The following GCNT2 variants were observed in gnomAD, a reference collection of about 807,000 sequenced individuals.
GCNT2 encodes the protein glucosaminyl (N-acetyl) transferase 2 (I blood group).
In GCNT2, 34 loss-of-function variants were observed where a neutral mutation model predicts 34.2. The observed-to-expected ratio is 1.00, with a 90% CI of 0.76 to 1.32. The LOEUF (loss-of-function observed/expected upper bound fraction) is 1.32, where lower values mean the gene tolerates loss of function less well. GCNT2 is among the 40% of genes most tolerant of loss of function. GCNT2 has a pLI of 0.00. For synonymous variants in GCNT2, 212 were observed against 188.0 expected (o/e 1.13, Z -1.04); for missense variants, 584 against 489.4 (o/e 1.19, Z -1.82).
At chr6:10,576,920 C>A (rs1180425754) in intron 3 of GCNT2, among the ~76,000 whole-genome samples, 2 of 151,304 alleles carry the variant, frequency 1.3e-5, no homozygotes, top group Non-Finnish European at 2.9e-5. Context: ...AAAATAATAA[C>A]AATAATAATA....
At chr6:10,606,397 C>T (rs932979700) in intron 3 of GCNT2, among the ~76,000 whole-genome samples, 8 of 152,126 alleles carry the variant, frequency 5.3e-5, no homozygotes, top group South Asian at 4.1e-4. Flanking sequence ...CATTTTCCCC[C>T]TCTTAATGGA....
At chr6:10,545,733 T>C (rs1243410448) in intron 3 of GCNT2, among the ~76,000 whole-genome samples, 1 of 152,190 alleles carries the variant, frequency 6.6e-6, no homozygotes, top group Non-Finnish European at 1.5e-5. Context: ...TCAAGTGTCT[T>C]CAGCTTTGTG....
At chr6:10,576,428 A>G (rs1763814724) in intron 3 of GCNT2, among the ~76,000 whole-genome samples, 1 of 152,170 alleles carries the variant, frequency 6.6e-6, no homozygotes, top group Admixed American at 6.5e-5. Flanking sequence ...CATGGCAAAC[A>G]TATTTGCCTC....
chr6:10,551,489 A>G (rs1484315450), intron 3 of GCNT2, among the ~76,000 whole-genome samples: 1 of 149,874 alleles, frequency 6.7e-6, no homozygotes, highest in Non-Finnish European at 1.5e-5. Flanking sequence ...TCCGTTGCCC[A>G]GGCTGGAGTG....
chr6:10,565,481 C>T (rs942905364), intron 3 of GCNT2, among the ~76,000 whole-genome samples: 1 of 152,176 alleles, frequency 6.6e-6, no homozygotes, highest in Admixed American at 6.5e-5. Context: ...TTTCCCACGA[C>T]CAGCTATCAC....
At chr6:10,530,740 C>CA (rs994220733) in intron 3 of GCNT2, among the ~76,000 whole-genome samples, 1 of 151,714 alleles carries the variant, frequency 6.6e-6, no homozygotes, top group Non-Finnish European at 1.5e-5. Flanking sequence ...AACAAACAAA[C>CA]AAAAAAACCT....
intron 3 of GCNT2, among the ~76,000 whole-genome samples, chr6:10,609,841 G>A (rs1425369060): frequency 6.6e-6 from 1 of 152,196 alleles, no homozygotes; most frequent in East Asian, 1.9e-4. Context: ...TTCTGGTAAG[G>A]GTGGTAAGAG....
chr6:10,536,360 C>G lies in GCNT2; in HGVS notation c.925+6524C>G, dbSNP rs544520403. Reference sequence around the variant, plus strand: ...CAGAAATATCGGTTTTTGTCAACTTCTTCTTTTTTTTTTTTGAGACAGTCT... The same window carrying G: ...CAGAAATATCGGTTTTTGTCAACTTGTTCTTTTTTTTTTTTGAGACAGTCT... On this transcript the variant is annotated intron_variant, in intron 3 of 4. Transcript: ENST00000495262. Among the ~76,000 whole-genome samples the G allele has an allele frequency of 5.3e-5, 8 of 150,602 alleles. No homozygotes were observed. The South Asian group carries it at 1.5e-3, about 28-fold the overall frequency.
At chr6:10,612,456 C>T (rs1037786823) in intron 3 of GCNT2, among the ~76,000 whole-genome samples, 12 of 152,096 alleles carry the variant, frequency 7.9e-5, no homozygotes, top group Non-Finnish European at 1.5e-4. Flanking sequence ...ACATCCTAAA[C>T]GACATAGGTC....
intron 3 of GCNT2, among the ~76,000 whole-genome samples, chr6:10,597,451 G>A (rs141133883): frequency 2.0e-4 from 31 of 151,942 alleles, no homozygotes; most frequent in Non-Finnish European, 3.2e-4. Flanking sequence ...CACCACGCCC[G>A]GCCAGGAATT....
chr6:10,589,837 T>C (rs1424223207), intron 3 of GCNT2, among the ~76,000 whole-genome samples: 1 of 152,164 alleles, frequency 6.6e-6, no homozygotes, highest in Admixed American at 6.5e-5. Flanking sequence ...ATGGTCCTTA[T>C]TTTAGGTGCC....
chr6:10,559,988 T>C (rs1762898798), intron 3 of GCNT2, among the ~76,000 whole-genome samples: 1 of 152,244 alleles, frequency 6.6e-6, no homozygotes, highest in East Asian at 1.9e-4. Context: ...AATCCCACGC[T>C]CGAGTAACTC....
At chr6:10,609,376 T>C (rs73721321) in intron 3 of GCNT2, among the ~76,000 whole-genome samples, 18,603 of 152,134 alleles carry the variant, frequency 0.12, 1,748 homozygotes, top group African/African-American at 0.26. Flanking sequence ...AATCCACTCC[T>C]GTGATAATGA....
At chr6:10,613,467 C>T (rs890183306) in intron 3 of GCNT2, among the ~76,000 whole-genome samples, 1 of 152,074 alleles carries the variant, frequency 6.6e-6, no homozygotes, top group Admixed American at 6.6e-5. Context: ...CCCATACTCC[C>T]CATAACTACC....
In GCNT2 at chr6:10,539,256, C is replaced by G. The variant is rs78658622; in HGVS notation, c.925+9420C>G. Among the ~76,000 whole-genome samples the G allele has an allele frequency of 3.1e-5, 4 of 129,294 alleles. No homozygotes were observed. The East Asian group carries it at 1.1e-3, about 34-fold the overall frequency. The allele number at this position is 129,294 out of a possible 152,430, so 84.8% of individuals were successfully genotyped here. Reference sequence around the variant, plus strand: ...CCAGGCTGGAGTGCAGTGGTGCGATCTCGGCCCACTGCAACCTCTGCCTCC... The same window carrying G: ...CCAGGCTGGAGTGCAGTGGTGCGATGTCGGCCCACTGCAACCTCTGCCTCC... On this transcript the variant is annotated intron_variant, in intron 3 of 4. Coordinates refer to ENST00000495262, the MANE Select transcript of GCNT2 (RefSeq NM_145649.5).
At chr6:10,605,738 T>C (rs1765280627) in intron 3 of GCNT2, among the ~76,000 whole-genome samples, 1 of 152,150 alleles carries the variant, frequency 6.6e-6, no homozygotes. Flanking sequence ...ATTTATTCCC[T>C]ACCATTTGCA....
Position 10,529,462 on chromosome 6 carries a change from G to A in GCNT2, c.551G>A (p.Trp184Ter), listed in dbSNP as rs760802120. 3 of 1,613,928 alleles carry A rather than the reference G, an allele frequency of 1.9e-6. No individual in the cohort carries two copies. The highest frequency in any genetic ancestry group is 3.3e-5 in the Admixed American group (2 of 59,976). ...GACCTTGTGGCCTCTGAAGTTCCCT[G>A]GAAGTATGTCATCAACACCTGCGGG... ...LEDLVASEVP[W>*]KYVINTCGQD... is the part of the protein sequence containing the mutation. The change falls in exon 3 of 5, where the codon TGG (tryptophan) becomes TAG (stop). Residue 184 changes from tryptophan (W) to a stop codon, truncating the protein, a stop_gained. Coordinates refer to ENST00000495262, the MANE Select transcript of GCNT2 (RefSeq NM_145649.5). LOFTEE classifies it high-confidence loss of function.
At chr6:10,536,971 G>A (rs920184490) in intron 3 of GCNT2, among the ~76,000 whole-genome samples, 1 of 152,032 alleles carries the variant, frequency 6.6e-6, no homozygotes, top group African/African-American at 2.4e-5. Flanking sequence ...TCACCATGTT[G>A]GCCAGGCTGG....
chr6:10,551,531 C>T (rs896678995), intron 3 of GCNT2, among the ~76,000 whole-genome samples: 17 of 149,376 alleles, frequency 1.1e-4, no homozygotes, highest in Non-Finnish European at 2.1e-4. Context: ...CAGCAACGTT[C>T]GCCTCCCTGA....
Sources: allele counts gnomAD v4.1 joint callset (sites outside exome capture counted in the v4.1 genomes callset), GRCh38; gene constraint gnomAD v4.1.1; transcripts MANE v1.5; gene names NCBI Gene and HGNC (gene_info 2026-07-23, HGNC 2026-07-21).